AHCTF1: variants seen among roughly 807,000 people sequenced by gnomAD.
AHCTF1 encodes AT-hook containing transcription factor 1.
AHCTF1 carries 24 observed loss-of-function variants against 248.4 expected under a neutral mutation model. That is an observed-to-expected ratio of 0.10 (90% CI 0.07 to 0.14). The LOEUF (loss-of-function observed/expected upper bound fraction) is 0.14. AHCTF1 is among the 10% of genes least tolerant of loss of function. AHCTF1 has a pLI of 1.00. For missense variants in AHCTF1, 2,206 were observed against 2,636.2 expected, an observed-to-expected ratio of 0.84 and a Z score of 3.57; for synonymous variants, 786 against 929.8, an observed-to-expected ratio of 0.85 and a Z score of 2.81.
intron 27 of AHCTF1, among the ~76,000 whole-genome samples, chr1:246,863,200 C>G (rs2103070877): frequency 6.6e-6 from 1 of 152,028 alleles, no homozygotes; most frequent in Non-Finnish European, 1.5e-5. Flanking sequence ...TTAGGAAGAG[C>G]ACTTATTGAG....
At chr1:246,926,943 G>A (rs1666962339) in intron 1 of AHCTF1, among the ~76,000 whole-genome samples, 2 of 152,116 alleles carry the variant, frequency 1.3e-5, no homozygotes, top group African/African-American at 2.4e-5. Flanking sequence ...GGGAGGCTAA[G>A]GCGGGCGGAT....
chr1:246,903,751 T>C (rs1000576463), intron 7 of AHCTF1, among the ~76,000 whole-genome samples, 198 bp downstream of exon 7: 8 of 149,816 alleles, frequency 5.3e-5, no homozygotes, highest in South Asian at 4.2e-4. Context: ...AGGCAGAGAA[T>C]TGCTTGAATC....
intron 33 of AHCTF1, 22 bp from the exon 34 acceptor site, chr1:246,843,950 G>C: frequency 1.4e-6 from 2 of 1,379,966 alleles, no homozygotes; most frequent in African/African-American, 1.5e-5. Context: ...TGAAAAAACT[G>C]TATCTGTATC....
intron 10 of AHCTF1, among the ~76,000 whole-genome samples, 193 bp downstream of exon 10, chr1:246,899,872 A>G (rs1291452766): frequency 2.0e-5 from 3 of 148,568 alleles, no homozygotes; most frequent in Non-Finnish European, 4.4e-5. Context: ...AATATCTCCA[A>G]GTCATAATTC....
At chr1:246,869,615 T>C (rs1662417582) in intron 24 of AHCTF1, among the ~76,000 whole-genome samples, 1 of 152,104 alleles carries the variant, frequency 6.6e-6, no homozygotes, top group Admixed American at 6.6e-5. Context: ...AAATCTACTA[T>C]GCCTGTCTTC....
At position 246,850,872 on chromosome 1, in the gene AHCTF1, T is replaced by C. The variant is rs1322057077; in HGVS notation, c.5134A>G (p.Lys1712Glu). 3 of 1,613,900 alleles carry C rather than the reference T, an allele frequency of 1.9e-6. No individual in the cohort carries two copies. In the African/African-American group the frequency reaches 4.0e-5, roughly 22 times the overall value. The change falls in exon 33 of 36, where the codon AAA becomes GAA. Residue 1712 changes from lysine to glutamate, a missense_variant. Physicochemically the swap from Lys to Glu is moderately conservative, Grantham distance 56 (BLOSUM62 1). This residue lies in a region of AHCTF1 where 955 missense variants were observed against 1,055.6 expected (regional missense o/e 0.90). Coordinates refer to ENST00000648844, the MANE Select transcript of AHCTF1 (RefSeq NM_001323342.2). ...TCCTGAGCAGTCTTAAATGCAGATTTGACCAATTTAGTGGGACACATTATG... is the reference window on the plus strand; with the variant it reads ...TCCTGAGCAGTCTTAAATGCAGATTCGACCAATTTAGTGGGACACATTATG... Reference protein sequence around the residue: ...QNIMCPTKLVKSAFKTAQETS... With the variant: ...QNIMCPTKLVESAFKTAQETS...
chr1:246,910,040 T>C lies in AHCTF1; in HGVS notation c.557-2282A>G, dbSNP rs542569750. 3.9e-5 allele frequency among the ~76,000 whole-genome samples: 6 copies of C among 152,354 alleles called. No individual in the cohort carries two copies. The East Asian group carries it at 5.8e-4, about 15-fold the overall frequency. ...TCCACTGATCACTAATTGAAACTACTAGACACTATGTGTCTCCTGATGTGA... is the reference window on the plus strand; with the variant it reads ...TCCACTGATCACTAATTGAAACTACCAGACACTATGTGTCTCCTGATGTGA... On this transcript the variant is annotated intron_variant, in intron 4 of 35. Transcript: ENST00000648844.
intron 33 of AHCTF1, among the ~76,000 whole-genome samples, chr1:246,848,270 G>A (rs77886043): frequency 0.18 from 27,343 of 151,844 alleles, 4,048 homozygotes; most frequent in African/African-American, 0.41. Context: ...CTGGAATACA[G>A]TGGCACAATC....
In AHCTF1 at chr1:246,902,609, G is replaced by C. The variant is rs1261496284; in HGVS notation, c.1033C>G (p.Gln345Glu). Residue 345 changes from glutamine (Q) to glutamate (E), a missense_variant, in exon 8 of 36, where the codon CAG (glutamine) becomes GAG (glutamate). By Grantham distance (29) the Gln-to-Glu change is conservative. This residue lies in a region of AHCTF1 where 650 missense variants were observed against 870.8 expected (regional missense o/e 0.75). Transcript: ENST00000648844. Reference sequence around the variant, plus strand: ...CCCAACAATTTGGTATTACTCGTCTGTCCCCTCAAAGGGAACATGCCACCT... The same window carrying C: ...CCCAACAATTTGGTATTACTCGTCTCTCCCCTCAAAGGGAACATGCCACCT... ...LTGGMFPLRG[Q>E]TSNTKLLGCQ... 6.2e-7 allele frequency: 1 copy of C among 1,612,778 alleles called. No individual in the cohort carries two copies. Among genetic ancestry groups the C allele is most frequent in the South Asian group, 1.1e-5 (1 of 91,010 alleles).
intron 21 of AHCTF1, 87 bp downstream of exon 21, chr1:246,885,406 A>G: frequency 1.7e-6 from 2 of 1,151,248 alleles, no homozygotes; most frequent in Non-Finnish European, 2.4e-6. Flanking sequence ...CTTAACGGCC[A>G]ATTGTATATT....
intron 33 of AHCTF1, among the ~76,000 whole-genome samples, chr1:246,847,305 AC>A (rs1251866150): frequency 0.037 from 4,309 of 116,818 alleles, 241 homozygotes; most frequent in African/African-American, 0.18. Flanking sequence ...AAAAAAACAA[AC>A]AAAAAAAAAA....
chr1:246,859,720 T>C (rs1661386559), intron 29 of AHCTF1, among the ~76,000 whole-genome samples: 1 of 152,102 alleles, frequency 6.6e-6, no homozygotes, highest in Non-Finnish European at 1.5e-5. Flanking sequence ...GGAATACAAG[T>C]GCATGCTATC....
chr1:246,924,153 C>T (rs1666770631), intron 1 of AHCTF1, among the ~76,000 whole-genome samples: 1 of 152,086 alleles, frequency 6.6e-6, no homozygotes, highest in African/African-American at 2.4e-5. Context: ...AAACTGAAAC[C>T]TGTGGTAAAA....
intron 21 of AHCTF1, among the ~76,000 whole-genome samples, chr1:246,884,106 A>G (rs1389241891): frequency 6.6e-6 from 1 of 152,220 alleles, no homozygotes; most frequent in African/African-American, 2.4e-5. Flanking sequence ...ACCCAGTACT[A>G]GAACTCTTAA....
chr1:246,871,392 T>C (rs1382817532), intron 24 of AHCTF1, among the ~76,000 whole-genome samples: 2 of 152,202 alleles, frequency 1.3e-5, no homozygotes, highest in African/African-American at 2.4e-5. Context: ...CCATGTTTCT[T>C]TCCACCTCCC....
intron 4 of AHCTF1, among the ~76,000 whole-genome samples, chr1:246,908,723 TAAAA>T (rs35110822): frequency 3.7e-5 from 4 of 106,856 alleles, no homozygotes; most frequent in Non-Finnish European, 2.0e-5. Context: ...CAGTCTCTAC[TAAAA>T]AAAAAAAAAA....
chr1:246,859,707 C>G (rs1022187959), intron 29 of AHCTF1, among the ~76,000 whole-genome samples: 3 of 152,160 alleles, frequency 2.0e-5, no homozygotes, highest in Admixed American at 6.5e-5. Context: ...TCCTGAGTAG[C>G]TAGGAATACA....
At chr1:246,887,662 C>G (rs1454377525) in intron 19 of AHCTF1, among the ~76,000 whole-genome samples, 1 of 152,142 alleles carries the variant, frequency 6.6e-6, no homozygotes, top group Non-Finnish European at 1.5e-5. Context: ...ACGCAAATTT[C>G]TAAAGATCTA....
intron 1 of AHCTF1, 115 bp downstream of exon 1, chr1:246,931,462 CT>C: frequency 2.9e-6 from 3 of 1,049,746 alleles, no homozygotes; most frequent in Non-Finnish European, 3.5e-6. Context: ...AGGCCCGGCG[CT>C]CGCGGGGCAG....
Sources: gnomAD v4.1 joint callset for allele counts (sites outside exome capture counted in the v4.1 genomes callset) on GRCh38, gnomAD v4.1.1 for gene constraint, gnomAD v4.1.1 regional missense constraint, MANE v1.5 for transcripts, NCBI Gene and HGNC (gene_info 2026-07-23, HGNC 2026-07-21) for gene names.